The following PRKCB variants were observed in gnomAD, a reference collection of about 807,000 sequenced individuals.
PRKCB encodes protein kinase C beta.
Under a neutral mutation model 81.5 loss-of-function variants are expected in PRKCB, and 13 were observed. That is an observed-to-expected ratio of 0.16 (90% CI 0.10 to 0.25). The LOEUF (loss-of-function observed/expected upper bound fraction) is 0.25, where lower values mean the gene tolerates loss of function less well. Ranked by LOEUF, PRKCB falls within the 10% of genes least tolerant of loss-of-function variation. PRKCB has a pLI of 1.00. For missense variants in PRKCB, 509 were observed against 875.7 expected (o/e 0.58, Z 5.29); for synonymous variants, 335 against 321.4 (o/e 1.04, Z -0.45).
intron 5 of PRKCB, among the ~76,000 whole-genome samples, chr16:24,091,376 T>G (rs1028344836): frequency 6.6e-6 from 1 of 152,210 alleles, no homozygotes; most frequent in African/African-American, 2.4e-5. Flanking sequence ...TCGATTTGGA[T>G]TGAATGTATT....
At chr16:24,023,644 A>T in intron 3 of PRKCB, among the ~76,000 whole-genome samples, 1 of 152,204 alleles carries the variant, frequency 6.6e-6, no homozygotes. Flanking sequence ...CTGGGATTAC[A>T]GACGTGAGCC....
intron 9 of PRKCB, among the ~76,000 whole-genome samples, chr16:24,139,091 A>T (rs1966877638): frequency 6.6e-6 from 1 of 152,082 alleles, no homozygotes; most frequent in South Asian, 2.1e-4. Flanking sequence ...ACCTGAGGTG[A>T]TCCACCTGTC....
intron 5 of PRKCB, among the ~76,000 whole-genome samples, chr16:24,085,155 A>AC (rs1157707324): frequency 6.6e-6 from 1 of 151,620 alleles, no homozygotes; most frequent in African/African-American, 2.4e-5. Context: ...AAATGAAAAA[A>AC]AAAAAAAAGC....
chr16:24,074,233 C>T (rs1360363091), intron 5 of PRKCB, among the ~76,000 whole-genome samples: 6 of 152,260 alleles, frequency 3.9e-5, no homozygotes, highest in African/African-American at 1.4e-4. Context: ...TAAGGGGCAC[C>T]CTAAGAGGGA....
At chr16:24,051,334 G>A (rs1596528764) in intron 5 of PRKCB, among the ~76,000 whole-genome samples, 1 of 152,158 alleles carries the variant, frequency 6.6e-6, no homozygotes, top group South Asian at 2.1e-4. Flanking sequence ...TGGGTGTAGA[G>A]GCTGTCTCTC....
intron 10 of PRKCB, among the ~76,000 whole-genome samples, chr16:24,156,459 G>C (rs7189225): frequency 0.031 from 4,720 of 152,108 alleles, 250 homozygotes; most frequent in African/African-American, 0.11. Context: ...ACTTTTAGTA[G>C]AGACCGGGTT....
At chr16:23,871,441 C>T (rs1962902280) in intron 2 of PRKCB, among the ~76,000 whole-genome samples, 1 of 152,200 alleles carries the variant, frequency 6.6e-6, no homozygotes, top group Non-Finnish European at 1.5e-5. Context: ...GCCCCTGTCC[C>T]CCTCTGTCTC....
chr16:23,957,152 G>A (rs196005), intron 2 of PRKCB, among the ~76,000 whole-genome samples: 141,617 of 152,196 alleles, frequency 0.93, 66,020 homozygotes, highest in East Asian at 1. Context: ...AATTGCTTAT[G>A]TAATAAGAAA....
intron 5 of PRKCB, among the ~76,000 whole-genome samples, chr16:24,089,964 T>C (rs1322134880): frequency 6.6e-6 from 1 of 152,194 alleles, no homozygotes; most frequent in East Asian, 1.9e-4. Context: ...AACAACCTAT[T>C]TTATTGATCA....
chr16:24,172,233 C>T (rs192895562), intron 10 of PRKCB, 37 bp from the exon 11 acceptor site: 43 of 1,511,660 alleles, frequency 2.8e-5, no homozygotes, highest in Non-Finnish European at 3.0e-5. Flanking sequence ...CCAGAAGCTA[C>T]GGGATGCTAA....
intron 2 of PRKCB, among the ~76,000 whole-genome samples, chr16:23,970,256 A>G (rs189518338): frequency 6.3e-4 from 95 of 151,496 alleles, no homozygotes; most frequent in Non-Finnish European, 1.2e-3. Flanking sequence ...CCAAGAAGGC[A>G]CCAAAGGGTA....
intron 1 of PRKCB, 23 bp from the exon 2 acceptor site, chr16:23,837,352 T>C: frequency 6.2e-7 from 1 of 1,613,552 alleles, no homozygotes; most frequent in Non-Finnish European, 8.5e-7. Flanking sequence ...CTGCCTGACA[T>C]ACACCTCCTT....
chr16:24,026,051 C>G (rs932154653), intron 3 of PRKCB, among the ~76,000 whole-genome samples: 2 of 152,172 alleles, frequency 1.3e-5, no homozygotes, highest in African/African-American at 4.8e-5. Context: ...AATCCTAGTA[C>G]TTTGCAAGGC....
At chr16:23,881,741 T>A (rs1024000125) in intron 2 of PRKCB, among the ~76,000 whole-genome samples, 2 of 152,180 alleles carry the variant, frequency 1.3e-5, no homozygotes, top group African/African-American at 4.8e-5. Flanking sequence ...AGTATCATTT[T>A]AAGTACATTT....
intron 2 of PRKCB, among the ~76,000 whole-genome samples, chr16:23,885,044 C>T (rs1242739458): frequency 6.6e-6 from 1 of 151,798 alleles, no homozygotes; most frequent in Non-Finnish European, 1.5e-5. Context: ...GTAATGCCTA[C>T]TTTTAAGTAG....
intron 2 of PRKCB, chr16:23,963,143 A>G (rs1964447603): frequency 6.6e-6 from 1 of 152,162 alleles, no homozygotes; most frequent in African/African-American, 2.4e-5. Flanking sequence ...TCCACTAGAG[A>G]TAAACCAGGT....
chr16:24,161,359 AGT>A (rs1967254585), intron 10 of PRKCB, among the ~76,000 whole-genome samples: 1 of 152,218 alleles, frequency 6.6e-6, no homozygotes, highest in Non-Finnish European at 1.5e-5. Context: ...TATTATTTTA[AGT>A]GTGTTAAAAT....
rs1294931259 is a variant in PRKCB at position 24,118,619 on chromosome 16, T to G, written c.919-5216T>G. Among the ~76,000 whole-genome samples, 3 of 152,200 alleles carry G rather than the reference T, an allele frequency of 2.0e-5. No homozygotes were observed. The East Asian group carries it at 5.8e-4, about 29-fold the overall frequency. On this transcript the variant is annotated intron_variant, in intron 8 of 16. Transcript: ENST00000643927. ...AGTCTGGCTGCCAGGGCTTCTCCAC[T>G]GTCCCCTCGTGCTGTCTGGAAGGTG...
chr16:23,851,271 T>C (rs1962468019), intron 2 of PRKCB, among the ~76,000 whole-genome samples: 2 of 152,234 alleles, frequency 1.3e-5, no homozygotes, highest in Non-Finnish European at 2.9e-5. Context: ...GTTTGTAAGA[T>C]AAAGGTCTAA....
Sources: allele counts gnomAD v4.1 joint callset (sites outside exome capture counted in the v4.1 genomes callset), GRCh38; gene constraint gnomAD v4.1.1; transcripts MANE v1.5; gene names NCBI Gene and HGNC (gene_info 2026-07-23, HGNC 2026-07-21).